Variants in BMERB1 observed in about 807,000 individuals in gnomAD.
BMERB1 encodes bMERB domain-containing protein 1.
In BMERB1, 12 loss-of-function variants were observed where a neutral mutation model predicts 23.6. That is an observed-to-expected ratio of 0.51 (90% confidence interval 0.33 to 0.82). The LOEUF is 0.82. BMERB1 is among the 40% of genes least tolerant of loss of function. BMERB1 has a pLI of 0.03. For synonymous variants in BMERB1, 122 were observed against 96.6 expected (o/e 1.26, Z -1.54); for missense variants, 247 against 255.4 (o/e 0.97, Z 0.22).
At chr16:15,524,144 A>C (rs892435522) in intron 2 of BMERB1, among the ~76,000 whole-genome samples, 1 of 152,230 alleles carries the variant, frequency 6.6e-6, no homozygotes, top group Admixed American at 6.5e-5. Flanking sequence ...AGCCACATTC[A>C]GGAGCTCTGC....
chr16:15,481,057 A>T (rs2051316969), intron 1 of BMERB1, among the ~76,000 whole-genome samples: 1 of 152,208 alleles, frequency 6.6e-6, no homozygotes, highest in South Asian at 2.1e-4. Context: ...AAGTGGCTAA[A>T]CTATGGTAGA....
At chr16:15,486,349 C>T (rs1001648191) in intron 1 of BMERB1, among the ~76,000 whole-genome samples, 3 of 152,158 alleles carry the variant, frequency 2.0e-5, no homozygotes, top group African/African-American at 7.2e-5. Context: ...AACACAGGGC[C>T]ATGGTTCCAC....
chr16:15,460,115 A>G lies in BMERB1; in HGVS notation c.106+25356A>G, dbSNP rs796857218. ...TCTGATGTGACAGGAAGCCTTAATTATTAATTTAAAATTCCCCTACCCTTC... is the reference window on the plus strand; with the variant it reads ...TCTGATGTGACAGGAAGCCTTAATTGTTAATTTAAAATTCCCCTACCCTTC... On this transcript the variant is annotated intron_variant, in intron 1 of 5. Coordinates refer to ENST00000300006, the MANE Select transcript of BMERB1 (RefSeq NM_033201.3). 1.7e-4 allele frequency among the ~76,000 whole-genome samples: 26 copies of G among 152,304 alleles called. 1 individual carries two copies. Among genetic ancestry groups the G allele is most frequent in the African/African-American group, 6.0e-4 (25 of 41,574 alleles).
chr16:15,499,709 C>T (rs1482347561), intron 1 of BMERB1, among the ~76,000 whole-genome samples: 21 of 152,122 alleles, frequency 1.4e-4, no homozygotes. Flanking sequence ...TTTCTGAGGC[C>T]CTGGACATTT....
intron 3 of BMERB1, among the ~76,000 whole-genome samples, chr16:15,573,906 G>A (rs1279527756): frequency 6.8e-6 from 1 of 147,504 alleles, no homozygotes; most frequent in Non-Finnish European, 1.5e-5. Flanking sequence ...ACAGGAAGGA[G>A]AATGAACGCA....
At chr16:15,517,596 AC>A (rs201679624) in intron 2 of BMERB1, among the ~76,000 whole-genome samples, 1,818 of 151,616 alleles carry the variant, frequency 0.012, 25 homozygotes, top group Non-Finnish European at 0.016. Flanking sequence ...TAAAAAAAAA[AC>A]TACAAAAATA....
At chr16:15,463,574 T>A (rs987749493) in intron 1 of BMERB1, among the ~76,000 whole-genome samples, 1 of 152,078 alleles carries the variant, frequency 6.6e-6, no homozygotes, top group Non-Finnish European at 1.5e-5. Flanking sequence ...ACTGCTGAGG[T>A]CTTACTCACA....
At chr16:15,477,625 T>C (rs2051285318) in intron 1 of BMERB1, among the ~76,000 whole-genome samples, 2 of 152,130 alleles carry the variant, frequency 1.3e-5, no homozygotes, top group Non-Finnish European at 2.9e-5. Context: ...AGTGAGATCA[T>C]GGCTTAAAAA....
chr16:15,576,906 T>C (rs2030876182), intron 3 of BMERB1, among the ~76,000 whole-genome samples: 1 of 152,156 alleles, frequency 6.6e-6, no homozygotes, highest in Non-Finnish European at 1.5e-5. Flanking sequence ...TCTCGGTCTC[T>C]CTCGAGAAGT....
intron 2 of BMERB1, among the ~76,000 whole-genome samples, chr16:15,527,316 G>C (rs1286720593): frequency 6.6e-6 from 1 of 152,130 alleles, no homozygotes. Context: ...TCATAAAACA[G>C]GAATCAGGCC....
At chr16:15,470,825 CTTTTTT>C (rs35873574) in intron 1 of BMERB1, among the ~76,000 whole-genome samples, 3 of 49,388 alleles carry the variant, frequency 6.1e-5, no homozygotes, top group African/African-American at 8.2e-5. Flanking sequence ...CACCTGGCCT[CTTTTTT>C]TTTTTTTTTT....
chr16:15,515,283 G>A (rs181652010), intron 1 of BMERB1, 22 bp from the exon 2 acceptor site: 1 of 1,612,626 alleles, frequency 6.2e-7, no homozygotes, highest in Non-Finnish European at 8.5e-7. Flanking sequence ...CCTGATGGTT[G>A]TATTTCCTGT....
At chr16:15,586,689 C>T (rs771465072) in intron 5 of BMERB1, 28 bp from the exon 6 acceptor site, 73 of 1,554,116 alleles carry the variant, frequency 4.7e-5, no homozygotes, top group South Asian at 3.3e-4. Flanking sequence ...CTTTCTCCCC[C>T]TCTCCCTGTG....
chr16:15,532,733 G>A (rs1316663886), intron 2 of BMERB1, among the ~76,000 whole-genome samples: 2 of 151,306 alleles, frequency 1.3e-5, no homozygotes, highest in Non-Finnish European at 2.9e-5. Context: ...TTTCAGTAGA[G>A]ACAGGGTTTC....
intron 1 of BMERB1, chr16:15,502,274 A>T: frequency 6.4e-7 from 1 of 1,550,972 alleles, no homozygotes; most frequent in Non-Finnish European, 8.7e-7. Flanking sequence ...AATAACAATC[A>T]TAGCCAGGAT....
At chr16:15,471,528 T>C (rs1333421183) in intron 1 of BMERB1, among the ~76,000 whole-genome samples, 1 of 152,220 alleles carries the variant, frequency 6.6e-6, no homozygotes, top group Non-Finnish European at 1.5e-5. Context: ...TCCCTTGTTA[T>C]CTACTCAGTG....
intron 2 of BMERB1, among the ~76,000 whole-genome samples, chr16:15,524,669 C>T (rs1003421044): frequency 6.6e-6 from 1 of 152,144 alleles, no homozygotes; most frequent in Non-Finnish European, 1.5e-5. Flanking sequence ...ACTCGAGAGG[C>T]TTGAGGCACA....
intron 1 of BMERB1, among the ~76,000 whole-genome samples, chr16:15,506,714 A>T (rs776780294): frequency 2.0e-5 from 3 of 152,056 alleles, no homozygotes; most frequent in Non-Finnish European, 4.4e-5. Flanking sequence ...AAAAAAAAGA[A>T]TAGGGATGTA....
At position 15,504,685 on chromosome 16, in the gene BMERB1, T is replaced by G. The variant is rs145326271; in HGVS notation, c.107-10620T>G. Among the ~76,000 whole-genome samples, 798 of 152,078 alleles carry G rather than the reference T, an allele frequency of 5.2e-3. 3 individuals are homozygous for G. The highest frequency in any genetic ancestry group is 7.8e-3 in the Non-Finnish European group (533 of 67,998). Reference sequence around the variant, plus strand: ...CCAGGCTGGTCTTAAACTCATGGCTTCAAGTGATCCTCTTCCCTCAGCCTT... The same window carrying G: ...CCAGGCTGGTCTTAAACTCATGGCTGCAAGTGATCCTCTTCCCTCAGCCTT... On this transcript the variant is annotated intron_variant, in intron 1 of 5. Transcript: ENST00000300006.
Sources: gnomAD v4.1 joint callset for allele counts (sites outside exome capture counted in the v4.1 genomes callset) on GRCh38, gnomAD v4.1.1 for gene constraint, MANE v1.5 for transcripts, NCBI Gene and HGNC (gene_info 2026-07-23, HGNC 2026-07-21) for gene names.